SLC35F3: variants seen among roughly 807,000 people sequenced by gnomAD.
SLC35F3 encodes the protein putative thiamine transporter SLC35F3.
Under a neutral mutation model 49.9 loss-of-function variants are expected in SLC35F3, and 25 were observed. That is an observed-to-expected ratio of 0.50 (90% CI 0.37 to 0.70). The LOEUF is 0.70. SLC35F3 is among the 30% of genes least tolerant of loss of function. SLC35F3 has a pLI of 0.00. For synonymous variants in SLC35F3, 275 were observed against 265.4 expected (o/e 1.04, Z -0.35); for missense variants, 525 against 639.8 (o/e 0.82, Z 1.94).
At chr1:234,299,672 G>T (rs1668661501) in intron 3 of SLC35F3, among the ~76,000 whole-genome samples, 1 of 151,908 alleles carries the variant, frequency 6.6e-6, no homozygotes, top group South Asian at 2.1e-4. Flanking sequence ...AGGCATGGTG[G>T]CAGGCGCCTG....
chr1:234,174,756 TG>T (rs1309760371), intron 2 of SLC35F3, among the ~76,000 whole-genome samples: 1 of 152,180 alleles, frequency 6.6e-6, no homozygotes, highest in Non-Finnish European at 1.5e-5. Flanking sequence ...TCTTTGTGAG[TG>T]GGCAATCTTG....
At chr1:234,136,288 T>TCTC (rs1665810979) in intron 2 of SLC35F3, among the ~76,000 whole-genome samples, 1 of 151,858 alleles carries the variant, frequency 6.6e-6, no homozygotes, top group East Asian at 1.9e-4. Flanking sequence ...TTCTCTCTTC[T>TCTC]TTATTTTTCT....
chr1:234,206,974 T>G (rs1666980263), intron 2 of SLC35F3, among the ~76,000 whole-genome samples: 1 of 152,132 alleles, frequency 6.6e-6, no homozygotes, highest in Admixed American at 6.5e-5. Context: ...CCATTCTCCT[T>G]GATTCACCCT....
chr1:234,232,528 A>G (rs1329379478), intron 3 of SLC35F3, among the ~76,000 whole-genome samples: 3 of 148,420 alleles, frequency 2.0e-5, no homozygotes, highest in East Asian at 1.9e-4. Flanking sequence ...TCAAAAAAAA[A>G]AAAAAAAAAA....
chr1:234,088,366 C>T lies in SLC35F3; in HGVS notation c.284-143051C>T, dbSNP rs187103389. Among the ~76,000 whole-genome samples the T allele has an allele frequency of 9.2e-5, 14 of 152,310 alleles. No homozygotes were observed. In the East Asian group the frequency reaches 9.7e-4, roughly 11 times the overall value. ...GGGATTACAGGCATGCACAACCATG[C>T]GCAGCTAATTTTTGTATTTTTAGTA... is the stretch of plus-strand genomic sequence containing the variant. On this transcript the variant is annotated intron_variant, in intron 2 of 7. Transcript: ENST00000366618.
chr1:234,133,513 G>A (rs111842661), intron 2 of SLC35F3, among the ~76,000 whole-genome samples: 6 of 152,274 alleles, frequency 3.9e-5, no homozygotes, highest in African/African-American at 1.4e-4. Flanking sequence ...GACCAACAGA[G>A]GCATCTGACA....
chr1:233,950,693 G>GA (rs530639513), intron 2 of SLC35F3, among the ~76,000 whole-genome samples: 7 of 151,878 alleles, frequency 4.6e-5, no homozygotes, highest in Non-Finnish European at 8.8e-5. Context: ...GAGAGACTAG[G>GA]AAAAAAATCT....
At chr1:234,224,122 T>C (rs1308989829) in intron 2 of SLC35F3, among the ~76,000 whole-genome samples, 1 of 152,218 alleles carries the variant, frequency 6.6e-6, no homozygotes, top group Non-Finnish European at 1.5e-5. Context: ...TGGAGTGCAC[T>C]GGCGCAATCA....
At chr1:234,081,904 A>ATTCTTTTTTTTTTTTTTT (rs1664881999) in intron 2 of SLC35F3, among the ~76,000 whole-genome samples, 1 of 39,214 alleles carries the variant, frequency 2.6e-5, no homozygotes, top group Non-Finnish European at 4.1e-5. Flanking sequence ...TGCCTGGCTA[A>ATTCTTTTTTTTTTTTTTT]TTTTTTTTTT....
intron 2 of SLC35F3, among the ~76,000 whole-genome samples, chr1:234,147,073 T>C (rs1425946423): frequency 2.6e-5 from 4 of 152,206 alleles, no homozygotes; most frequent in African/African-American, 9.6e-5. Flanking sequence ...TCTAGTTCCT[T>C]GGTGAGTAAT....
chr1:234,167,053 G>T (rs566261100), intron 2 of SLC35F3, among the ~76,000 whole-genome samples: 1 of 152,326 alleles, frequency 6.6e-6, no homozygotes, highest in South Asian at 2.1e-4. Flanking sequence ...GCCCAGAAAT[G>T]GAGAACTGCT....
rs560928144 is a variant in SLC35F3, at chr1:233,938,544, TCA to T, written c.283+32787_283+32788del. ...TGGATGCTAGAGAACAACACAAGGG[TCA>T]TTATACCTAAGGAAAAAGGTAATTA... is the stretch of plus-strand genomic sequence containing the variant. On this transcript the variant is annotated intron_variant, in intron 2 of 7. Transcript: ENST00000366618. Among the ~76,000 whole-genome samples, 200 of 152,184 alleles carry T rather than the reference TCA, an allele frequency of 1.3e-3. 2 individuals are homozygous for T. The highest frequency in any genetic ancestry group is 4.6e-3 in the African/African-American group (193 of 41,516).
At chr1:234,260,064 CA>C (rs531337442) in intron 3 of SLC35F3, among the ~76,000 whole-genome samples, 1 of 151,316 alleles carries the variant, frequency 6.6e-6, no homozygotes, top group African/African-American at 2.4e-5. Flanking sequence ...ACTTCTACGG[CA>C]AAAAAAATGA....
At chr1:234,062,165 T>C (rs2102863166) in intron 2 of SLC35F3, among the ~76,000 whole-genome samples, 1 of 152,354 alleles carries the variant, frequency 6.6e-6, no homozygotes, top group Admixed American at 6.5e-5. Flanking sequence ...ACAACTTTTG[T>C]TACTGTCTGG....
chr1:233,974,263 C>T (rs1211100196), intron 2 of SLC35F3, among the ~76,000 whole-genome samples: 5 of 143,012 alleles, frequency 3.5e-5, no homozygotes, highest in Non-Finnish European at 3.0e-5. Context: ...CGGCTCACTG[C>T]AACCTCCGCC....
chr1:234,010,231 A>G (rs746508224), intron 2 of SLC35F3, among the ~76,000 whole-genome samples: 1 of 152,218 alleles, frequency 6.6e-6, no homozygotes, highest in Non-Finnish European at 1.5e-5. Context: ...TAAGGGGGAC[A>G]CTAAAAGTAG....
At chr1:233,978,093 C>T (rs1047237970) in intron 2 of SLC35F3, among the ~76,000 whole-genome samples, 1 of 152,088 alleles carries the variant, frequency 6.6e-6, no homozygotes, top group African/African-American at 2.4e-5. Context: ...ACGTGCTTGA[C>T]TCTGGGGAAG....
At chr1:234,299,804 CAAAAAA>C (rs36039526) in intron 3 of SLC35F3, among the ~76,000 whole-genome samples, 2 of 84,680 alleles carry the variant, frequency 2.4e-5, no homozygotes, top group African/African-American at 9.0e-5. Context: ...GACTCCATCT[CAAAAAA>C]AAAAAAAAAA....
At chr1:234,118,066 G>A (rs1408601312) in intron 2 of SLC35F3, among the ~76,000 whole-genome samples, 1 of 151,588 alleles carries the variant, frequency 6.6e-6, no homozygotes. Context: ...GATAAAACAT[G>A]GGATATCCAG....
Sources: gnomAD v4.1 joint callset for allele counts (sites outside exome capture counted in the v4.1 genomes callset) on GRCh38, gnomAD v4.1.1 for gene constraint, MANE v1.5 for transcripts, NCBI Gene and HGNC (gene_info 2026-07-23, HGNC 2026-07-21) for gene names.